Variants in TRIM67 observed in about 807,000 individuals in gnomAD.
The protein encoded by TRIM67 is tripartite motif-containing protein 67.
TRIM67 carries 39 observed loss-of-function variants against 71.0 expected under a neutral mutation model. That is an observed-to-expected ratio of 0.55 (90% CI 0.43 to 0.72). TRIM67 has a LOEUF of 0.72. TRIM67 is among the 30% of genes least tolerant of loss of function. The pLI, the probability that TRIM67 is intolerant of heterozygous loss-of-function variation, is 0.00. For missense variants in TRIM67, 973 were observed against 1,079.2 expected, an observed-to-expected ratio of 0.90 and a Z score of 1.38; for synonymous variants, 481 against 473.9, an observed-to-expected ratio of 1.01 and a Z score of -0.19.
In TRIM67 at chr1:231,163,955, A is replaced by G; in HGVS notation, c.986A>G (p.Glu329Gly). ...RTPVCYLCLE[E>G]GRHAKHEVKP... Reference sequence around the variant, plus strand: ...CCGGTGTGTTATCTGTGCCTGGAGGAGGGCCGGCACGCCAAGCACGAGGTG... The same window carrying G: ...CCGGTGTGTTATCTGTGCCTGGAGGGGGGCCGGCACGCCAAGCACGAGGTG... Residue 329 changes from glutamate (E) to glycine (G), a missense_variant, in exon 1 of 10, where the codon GAG becomes GGG. Coordinates refer to ENST00000366653, the MANE Select transcript of TRIM67 (RefSeq NM_001004342.5). 1.3e-6 allele frequency: 2 copies of G among 1,584,402 alleles called. No individual in the cohort carries two copies. Among genetic ancestry groups the G allele is most frequent in the Non-Finnish European group, 1.7e-6 (2 of 1,165,584 alleles).
rs756479078 is a variant in TRIM67 at position 231,163,881 on chromosome 1, C to T, written c.912C>T (p.Pro304=). 9.5e-6 allele frequency: 15 copies of T among 1,578,194 alleles called. No homozygotes were observed. In the South Asian group the frequency reaches 1.6e-4, roughly 17 times the overall value. Residue 304 remains proline, a synonymous_variant, in exon 1 of 10, where the codon CCC becomes CCT. Transcript: ENST00000366653. The part of the protein sequence containing the change: ...GSTARKFPTC[P]EHEMENYSMY... ...CGGCCCGCAAGTTCCCCACGTGTCC[C>T]GAGCATGAAATGGAGAACTACAGCA...
In TRIM67 at chr1:231,163,881, C is replaced by G. The variant is rs756479078; in HGVS notation, c.912C>G (p.Pro304=). 4.4e-6 allele frequency: 7 copies of G among 1,578,194 alleles called. No homozygotes were observed. In the Admixed American group the frequency reaches 1.3e-4, roughly 29 times the overall value. The change falls in exon 1 of 10, where the codon CCC becomes CCG. Residue 304 remains proline, a synonymous_variant. Coordinates refer to ENST00000366653, the MANE Select transcript of TRIM67 (RefSeq NM_001004342.5). ...GSTARKFPTC[P]EHEMENYSMY... ...CGGCCCGCAAGTTCCCCACGTGTCC[C>G]GAGCATGAAATGGAGAACTACAGCA...
rs775861188 is a variant in TRIM67, at chr1:231,199,065, G to A, written c.1159G>A (p.Glu387Lys). Residue 387 changes from glutamate to lysine, a missense_variant, in exon 3 of 10, where the codon GAA becomes AAA. This residue lies in a region of TRIM67 where 795 missense variants were observed against 831.3 expected (regional missense o/e 0.96). Coordinates refer to ENST00000366653, the MANE Select transcript of TRIM67 (RefSeq NM_001004342.5). The stretch of plus-strand genomic sequence containing the variant: ...CTGCCAGGAAAACGGACTGGACTAC[G>A]AAGCCTGCCTCGTTGCTCAGTGTGA... Reference protein sequence around the residue: ...QQIQENGLDYEACLVAQCDAL... With the variant: ...QQIQENGLDYKACLVAQCDAL... 94 of 1,613,822 alleles carry A rather than the reference G, an allele frequency of 5.8e-5. 1 individual carries two copies. The highest frequency in any genetic ancestry group is 3.3e-5 in the South Asian group (3 of 91,080).
At position 231,221,216 on chromosome 1, in the gene TRIM67, A is replaced by C. The variant is rs537363176; in HGVS notation, c.*5776A>C. On this transcript the variant is annotated 3_prime_UTR_variant, in exon 10 of 10. Transcript: ENST00000366653. ...GCGTCCTTGTTTTGACCGTCGACAG[A>C]AGTCCAATTTTCTTGCCTTTCTTTA... 3.2e-4 allele frequency: 49 copies of C among 152,432 alleles called. No individual in the cohort carries two copies. The highest frequency in any genetic ancestry group is 1.1e-3 in the African/African-American group (47 of 41,576). 9.4% of individuals were successfully genotyped at this position (152,432 alleles called of 1,614,324 possible). A position where few individuals can be genotyped will look rare whatever the true frequency, so the allele number is the denominator to read the frequency against.
intron 1 of TRIM67, among the ~76,000 whole-genome samples, chr1:231,181,118 G>A (rs145685418): frequency 2.6e-5 from 4 of 152,092 alleles, no homozygotes; most frequent in Admixed American, 2.6e-4. Context: ...GGCATGCACC[G>A]CCATGTCCAG....
At chr1:231,173,686 T>C (rs1682669388) in intron 1 of TRIM67, among the ~76,000 whole-genome samples, 2 of 152,176 alleles carry the variant, frequency 1.3e-5, no homozygotes, top group African/African-American at 4.8e-5. Flanking sequence ...TGGCGGGCCA[T>C]GCAGAACAGG....
Position 231,209,854 on chromosome 1 carries a change from C to T in TRIM67, c.2123+604C>T, listed in dbSNP as rs919734013. On this transcript the variant is annotated intron_variant, in intron 8 of 9. Transcript: ENST00000366653. This position sits in a 1 kb window ranked among gnomAD's most constrained non-coding sequence, Gnocchi z 4.1. ...CTGGGAGTAGGGTCACCAGCATGGA[C>T]ACAGGAGACTCAGGTCCTGGCCTGT... 1.3e-5 allele frequency among the ~76,000 whole-genome samples: 2 copies of T among 152,156 alleles called. No individual in the cohort carries two copies. Among genetic ancestry groups the T allele is most frequent in the African/African-American group, 4.8e-5 (2 of 41,436 alleles).
chr1:231,206,625 C>G lies in TRIM67; in HGVS notation c.1681-27C>G, dbSNP rs201514815. The stretch of plus-strand genomic sequence containing the variant: ...GGAGCTTTCCAAATGCTAGAGGAGC[C>G]TGGTGAGCAGCATTGCTCTCTTTCA... On this transcript the variant is annotated intron_variant, in intron 6 of 9. Coordinates refer to ENST00000366653, the MANE Select transcript of TRIM67 (RefSeq NM_001004342.5). 2.2e-5 allele frequency: 34 copies of G among 1,540,104 alleles called. No individual in the cohort carries two copies. The African/African-American group carries it at 4.4e-4, about 20-fold the overall frequency.
At chr1:231,174,118 G>C (rs1386778798) in intron 1 of TRIM67, among the ~76,000 whole-genome samples, 7 of 150,470 alleles carry the variant, frequency 4.7e-5, no homozygotes, top group African/African-American at 1.7e-4. Context: ...CACAGTTCTT[G>C]GATGATCTCT....
chr1:231,187,674 A>C, intron 1 of TRIM67: 28 of 1,042,332 alleles, frequency 2.7e-5, no homozygotes, highest in Non-Finnish European at 3.4e-5. Flanking sequence ...GGGGCATCAA[A>C]CTGCAGGAGG....
intron 1 of TRIM67, among the ~76,000 whole-genome samples, chr1:231,178,221 T>A (rs1206586100): frequency 6.6e-6 from 1 of 152,240 alleles, no homozygotes; most frequent in African/African-American, 2.4e-5. Flanking sequence ...ATGTTAGCAC[T>A]GCTTCAACTT....
At position 231,220,192 on chromosome 1, in the gene TRIM67, A is replaced by C. The variant is rs1345381478; in HGVS notation, c.*4752A>C. On this transcript the variant is annotated 3_prime_UTR_variant, in exon 10 of 10. Transcript: ENST00000366653. Reference sequence around the variant, plus strand: ...GGGGGCGTTCCAGTGTTCTCTGACCAGTGTCTTCCATCCAAGCCTCCTTGT... The same window carrying C: ...GGGGGCGTTCCAGTGTTCTCTGACCCGTGTCTTCCATCCAAGCCTCCTTGT... 1 of 350,448 alleles carries C rather than the reference A, an allele frequency of 2.9e-6. No homozygotes were observed. The highest frequency in any genetic ancestry group is 2.1e-5 in the African/African-American group (1 of 46,516). The allele number at this position is 350,448 out of a possible 1,614,324, so 21.7% of individuals were successfully genotyped here. A position where few individuals can be genotyped will look rare whatever the true frequency, so the allele number is the denominator to read the frequency against.
intron 4 of TRIM67, 99 bp downstream of exon 4, chr1:231,200,357 G>T (rs1048508047): frequency 1.0e-4 from 75 of 729,056 alleles, no homozygotes; most frequent in Non-Finnish European, 1.8e-4. Flanking sequence ...TCACGGCTTG[G>T]ATTGAGTAGA....
chr1:231,200,721 T>C (rs1294376564), intron 4 of TRIM67, among the ~76,000 whole-genome samples: 1 of 152,112 alleles, frequency 6.6e-6, no homozygotes, highest in African/African-American at 2.4e-5. Flanking sequence ...CTCAGGAACA[T>C]GGCAGTGATT....
intron 1 of TRIM67, among the ~76,000 whole-genome samples, chr1:231,185,390 A>C (rs1683041519): frequency 6.6e-6 from 1 of 151,790 alleles, no homozygotes; most frequent in Non-Finnish European, 1.5e-5. Flanking sequence ...AAAACAACCC[A>C]AACAAGTGGA....
At position 231,175,349 on chromosome 1, in the gene TRIM67, G is replaced by A. The variant is rs1402972883; in HGVS notation, c.1044+11336G>A. The stretch of plus-strand genomic sequence containing the variant: ...CACCAAAGGCAGGAAGACCCTGCAG[G>A]GGGATCTCAGGAAGTGTGAGAGGTC... On this transcript the variant is annotated intron_variant, in intron 1 of 9. Transcript: ENST00000366653. Among the ~76,000 whole-genome samples, 4 of 152,234 alleles carry A rather than the reference G, an allele frequency of 2.6e-5. No homozygotes were observed. The South Asian group carries it at 8.3e-4, about 32-fold the overall frequency.
At chr1:231,191,908 A>G (rs906995656) in intron 1 of TRIM67, among the ~76,000 whole-genome samples, 8 of 152,090 alleles carry the variant, frequency 5.3e-5, no homozygotes, top group Non-Finnish European at 8.8e-5. Flanking sequence ...GTCAGGTACT[A>G]TGCTGCCTAC....
intron 1 of TRIM67, among the ~76,000 whole-genome samples, chr1:231,177,796 C>T (rs896164934): frequency 6.6e-6 from 1 of 152,180 alleles, no homozygotes; most frequent in African/African-American, 2.4e-5. Context: ...ATTTTGAACA[C>T]TTTGAGAACA....
At chr1:231,214,621 A>G (rs539635245) in intron 9 of TRIM67, among the ~76,000 whole-genome samples, 1 of 146,436 alleles carries the variant, frequency 6.8e-6, no homozygotes, top group South Asian at 2.2e-4. Flanking sequence ...CTAAAAATAC[A>G]AAAAAAAAAT....
Sources: allele counts gnomAD v4.1 joint callset (sites outside exome capture counted in the v4.1 genomes callset), GRCh38; gene constraint gnomAD v4.1.1; regional missense constraint gnomAD v4.1.1; non-coding constraint Gnocchi (gnomAD v3.1); transcripts MANE v1.5; gene names NCBI Gene and HGNC (gene_info 2026-07-23, HGNC 2026-07-21).